ETV6: variants seen among roughly 807,000 people sequenced by gnomAD.
The protein encoded by ETV6 is transcription factor ETV6.
Under a neutral mutation model 51.1 loss-of-function variants are expected in ETV6, and 16 were observed. The observed-to-expected ratio is 0.31, with a 90% confidence interval of 0.21 to 0.48. The LOEUF (loss-of-function observed/expected upper bound fraction) is 0.48. Among genes scored for constraint, ETV6 ranks in the 20% least tolerant of loss-of-function variants. The probability of loss-of-function intolerance (pLI) is 0.99; values close to 1 mark genes in which losing one functional copy is unlikely to be tolerated. For synonymous variants in ETV6, 240 were observed against 224.1 expected (o/e 1.07, Z -0.64); for missense variants, 458 against 594.8 (o/e 0.77, Z 2.39).
intron 1 of ETV6, among the ~76,000 whole-genome samples, chr12:11,696,743 G>A (rs1864885812): frequency 6.6e-6 from 1 of 152,168 alleles, no homozygotes; most frequent in South Asian, 2.1e-4. Flanking sequence ...CTGAACCCGG[G>A]AGATGGAGGT....
At chr12:11,719,126 TGTTA>T (rs1179613780) in intron 1 of ETV6, among the ~76,000 whole-genome samples, 1 of 152,252 alleles carries the variant, frequency 6.6e-6, no homozygotes, top group Non-Finnish European at 1.5e-5. Flanking sequence ...GCTGCCACCC[TGTTA>T]GTGAGGCCGC....
intron 1 of ETV6, among the ~76,000 whole-genome samples, chr12:11,658,456 A>G (rs1326377793): frequency 6.6e-6 from 1 of 152,188 alleles, no homozygotes; most frequent in African/African-American, 2.4e-5. Context: ...GGTGGACTCA[A>G]ACTCCCGACT....
At chr12:11,790,014 T>C (rs1017212856) in intron 2 of ETV6, among the ~76,000 whole-genome samples, 4 of 152,188 alleles carry the variant, frequency 2.6e-5, no homozygotes, top group African/African-American at 4.8e-5. Flanking sequence ...TATTAGGATG[T>C]AGGTCCAATA....
chr12:11,807,498 G>T (rs1167720524), intron 2 of ETV6, among the ~76,000 whole-genome samples: 2 of 152,172 alleles, frequency 1.3e-5, no homozygotes, highest in African/African-American at 4.8e-5. Flanking sequence ...AGCAGGTGAG[G>T]CTCAAGGCTG....
At chr12:11,683,771 A>G (rs1411578239) in intron 1 of ETV6, among the ~76,000 whole-genome samples, 1 of 152,188 alleles carries the variant, frequency 6.6e-6, no homozygotes, top group Non-Finnish European at 1.5e-5. Context: ...AAACTCAGAA[A>G]CAGATTGCCC....
chr12:11,796,040 CCTCA>C (rs1301061055), intron 2 of ETV6, among the ~76,000 whole-genome samples: 1 of 152,072 alleles, frequency 6.6e-6, no homozygotes, highest in East Asian at 1.9e-4. Context: ...AAATCCATTC[CCTCA>C]CTGATGAAGC....
intron 1 of ETV6, among the ~76,000 whole-genome samples, chr12:11,747,933 A>G (rs377728949): frequency 1.3e-5 from 2 of 152,356 alleles, no homozygotes; most frequent in South Asian, 2.1e-4. Flanking sequence ...AAATTTCAAT[A>G]AATAGCTTCC....
chr12:11,752,749 T>C, intron 2 of ETV6, 170 bp downstream of exon 2: 1 of 701,644 alleles, frequency 1.4e-6, no homozygotes. Context: ...CTTTGAAAAA[T>C]TTGAGGTTCC....
At chr12:11,661,582 T>C (rs911696076) in intron 1 of ETV6, among the ~76,000 whole-genome samples, 1 of 152,220 alleles carries the variant, frequency 6.6e-6, no homozygotes, top group African/African-American at 2.4e-5. Context: ...TCCCCGACTT[T>C]GAGACCTGAA....
intron 2 of ETV6, among the ~76,000 whole-genome samples, chr12:11,837,436 A>C (rs553951924): frequency 7.2e-4 from 110 of 152,304 alleles, no homozygotes; most frequent in Non-Finnish European, 1.4e-3. Context: ...GTTTAGAGGA[A>C]GCCAACTACC....
chr12:11,742,802 TTTC>T (rs144964940), intron 1 of ETV6, among the ~76,000 whole-genome samples: 56,112 of 119,718 alleles, frequency 0.47, 12,809 homozygotes, highest in Middle Eastern at 0.6. Context: ...CTTTTCTTTC[TTTC>T]TTTTTTTTTT....
At chr12:11,852,977 A>G (rs918172291) in intron 3 of ETV6, among the ~76,000 whole-genome samples, 1 of 152,186 alleles carries the variant, frequency 6.6e-6, no homozygotes, top group Non-Finnish European at 1.5e-5. Context: ...ACTTGAGCTC[A>G]GGAGTTTGAG....
chr12:11,817,749 T>C (rs1389739026), intron 2 of ETV6, among the ~76,000 whole-genome samples: 1 of 152,114 alleles, frequency 6.6e-6, no homozygotes, highest in Non-Finnish European at 1.5e-5. Flanking sequence ...ATGGGTTCTG[T>C]GGGGAGTACA....
intron 4 of ETV6, among the ~76,000 whole-genome samples, chr12:11,858,198 G>A (rs1946660697): frequency 2.0e-5 from 3 of 152,116 alleles, no homozygotes; most frequent in Admixed American, 2.0e-4. Flanking sequence ...TTAGAATGCA[G>A]GTAGGTAGTT....
At position 11,853,351 on chromosome 12, in the gene ETV6, T is replaced by G. The variant is rs931759197; in HGVS notation, c.329-76T>G. On this transcript the variant is annotated intron_variant, in intron 3 of 7. Transcript: ENST00000396373. ...GTATCTTTGGCACCGTGCCAGGCAC[T>G]TAGCTGCTGCTCCGTAGATCGTTGT... is the stretch of plus-strand genomic sequence containing the variant. 1.5e-4 allele frequency: 238 copies of G among 1,579,342 alleles called. No individual in the cohort carries two copies. The Middle Eastern group carries it at 2.2e-3, about 15-fold the overall frequency.
chr12:11,761,480 A>C (rs2136338374), intron 2 of ETV6, among the ~76,000 whole-genome samples: 1 of 152,360 alleles, frequency 6.6e-6, no homozygotes, highest in Middle Eastern at 3.4e-3. Flanking sequence ...TCTACCTCAC[A>C]GATGGTTATT....
intron 5 of ETV6, 82 bp from the exon 6 acceptor site, chr12:11,884,363 C>T (rs2136594641): frequency 1.3e-6 from 2 of 1,495,202 alleles, no homozygotes; most frequent in Non-Finnish European, 1.8e-6. Context: ...GAAGCAGTTG[C>T]TGGATTCTTT....
rs1024028489 is a variant in ETV6, at chr12:11,895,117, C to G, written c.*4071C>G. ...ACAGCTGCAGACCCCCTGAATCTTT[C>G]ACACATGCCAAGTGAACATTCTTGA... On this transcript the variant is annotated 3_prime_UTR_variant, in exon 8 of 8. Coordinates refer to ENST00000396373, the MANE Select transcript of ETV6 (RefSeq NM_001987.5). 8.6e-6 allele frequency: 2 copies of G among 231,524 alleles called. No individual in the cohort carries two copies. Among genetic ancestry groups the G allele is most frequent in the Non-Finnish European group, 1.7e-5 (2 of 116,740 alleles). The allele number at this position is 231,524 out of a possible 1,614,324, so 14.3% of individuals were successfully genotyped here.
intron 2 of ETV6, among the ~76,000 whole-genome samples, chr12:11,812,512 G>A (rs1016346097): frequency 2.6e-5 from 4 of 152,210 alleles, no homozygotes; most frequent in South Asian, 4.2e-4. Flanking sequence ...CTCTCACTCC[G>A]ACACTTTTGG....
Sources: gnomAD v4.1 joint callset for allele counts (sites outside exome capture counted in the v4.1 genomes callset) on GRCh38, gnomAD v4.1.1 for gene constraint, MANE v1.5 for transcripts, NCBI Gene and HGNC (gene_info 2026-07-23, HGNC 2026-07-21) for gene names.